ASTN2: variants seen among roughly 807,000 people sequenced by gnomAD.
ASTN2 encodes the protein astrotactin-2.
ASTN2 carries 54 observed loss-of-function variants against 139.8 expected under a neutral mutation model. The observed-to-expected ratio is 0.39, with a 90% CI of 0.31 to 0.48. The LOEUF is 0.48. Ranked by LOEUF, ASTN2 falls within the 20% of genes least tolerant of loss-of-function variation. The probability of loss-of-function intolerance (pLI) is 0.95; values close to 1 mark genes in which losing one functional copy is unlikely to be tolerated. For missense variants in ASTN2, 1,565 were observed against 1,725.1 expected, an observed-to-expected ratio of 0.91 and a Z score of 1.64; for synonymous variants, 756 against 719.5, an observed-to-expected ratio of 1.05 and a Z score of -0.81.
chr9:116,517,740 T>A (rs1452292817), intron 19 of ASTN2, among the ~76,000 whole-genome samples: 1 of 152,054 alleles, frequency 6.6e-6, no homozygotes, highest in Non-Finnish European at 1.5e-5. Context: ...AAGTCCAACT[T>A]GAAGAAATAA....
chr9:116,919,940 CAA>C (rs35192686), intron 10 of ASTN2, among the ~76,000 whole-genome samples: 275 of 128,782 alleles, frequency 2.1e-3, no homozygotes, highest in Admixed American at 2.1e-3. Flanking sequence ...GAATCTGTCT[CAA>C]AAAAAAAAAA....
At chr9:116,553,521 A>G (rs915128283) in intron 19 of ASTN2, among the ~76,000 whole-genome samples, 1 of 152,230 alleles carries the variant, frequency 6.6e-6, no homozygotes, top group Non-Finnish European at 1.5e-5. Context: ...TGGAACAGAA[A>G]ACAAATGTGA....
intron 2 of ASTN2, among the ~76,000 whole-genome samples, chr9:117,235,997 G>C (rs1833033335): frequency 6.6e-6 from 1 of 152,188 alleles, no homozygotes; most frequent in African/African-American, 2.4e-5. Context: ...CTTGAGCTCA[G>C]AGGCCTGGAG....
At chr9:117,263,246 G>T (rs1564114183) in intron 2 of ASTN2, among the ~76,000 whole-genome samples, 1 of 152,066 alleles carries the variant, frequency 6.6e-6, no homozygotes, top group Non-Finnish European at 1.5e-5. Context: ...GACCGGGAGA[G>T]ATTTTGCCCA....
chr9:117,048,986 G>A (rs950665367), intron 5 of ASTN2, among the ~76,000 whole-genome samples: 47 of 23,052 alleles, frequency 2.0e-3, no homozygotes, highest in East Asian at 4.1e-3. Flanking sequence ...TTTTTGAGAC[G>A]GAGTCTTGCT....
intron 2 of ASTN2, among the ~76,000 whole-genome samples, chr9:117,276,006 G>A (rs1834179800): frequency 6.6e-6 from 1 of 152,086 alleles, no homozygotes; most frequent in Non-Finnish European, 1.5e-5. Context: ...CATAATATCT[G>A]CCATTCTGAC....
intron 17 of ASTN2, among the ~76,000 whole-genome samples, chr9:116,632,121 G>T (rs1356788491): frequency 1.3e-5 from 1 of 79,086 alleles, no homozygotes; most frequent in South Asian, 6.0e-4. Flanking sequence ...AAAAGAAAAA[G>T]AAAAAGAAGA....
chr9:117,283,894 G>C (rs372768060), intron 2 of ASTN2, among the ~76,000 whole-genome samples: 6 of 151,788 alleles, frequency 4.0e-5, no homozygotes, highest in African/African-American at 1.5e-4. Flanking sequence ...TGAAAGTAAT[G>C]GTATTTCTCA....
chr9:117,328,705 A>T (rs905996719), intron 1 of ASTN2, among the ~76,000 whole-genome samples: 1 of 152,206 alleles, frequency 6.6e-6, no homozygotes, highest in African/African-American at 2.4e-5. Context: ...AGGGTCACTC[A>T]GCCAGGCTAA....
chr9:116,445,652 C>T (rs541506764), intron 20 of ASTN2, among the ~76,000 whole-genome samples: 5 of 152,294 alleles, frequency 3.3e-5, no homozygotes, highest in Non-Finnish European at 5.9e-5. Flanking sequence ...AGAATCCTTG[C>T]TTTCTCCAAT....
intron 1 of ASTN2, among the ~76,000 whole-genome samples, chr9:117,303,810 T>C (rs946036699): frequency 9.2e-5 from 14 of 152,196 alleles, no homozygotes; most frequent in Non-Finnish European, 1.8e-4. Flanking sequence ...CTGTTTTTCC[T>C]CCCCTTGAAT....
At chr9:116,563,246 G>A (rs1428335657) in intron 19 of ASTN2, among the ~76,000 whole-genome samples, 2 of 151,740 alleles carry the variant, frequency 1.3e-5, no homozygotes, top group African/African-American at 4.8e-5. Flanking sequence ...GCGGGGGTGG[G>A]TGCCTATAGT....
At chr9:116,668,062 C>T (rs1484324080) in intron 16 of ASTN2, among the ~76,000 whole-genome samples, 1 of 152,224 alleles carries the variant, frequency 6.6e-6, no homozygotes, top group East Asian at 1.9e-4. Context: ...CGGTGTGCTC[C>T]ACCTATTCAT....
intron 13 of ASTN2, among the ~76,000 whole-genome samples, chr9:116,770,743 CAT>C (rs1212302458): frequency 1.3e-5 from 2 of 152,114 alleles, no homozygotes; most frequent in Non-Finnish European, 2.9e-5. Context: ...CATGTATTTA[CAT>C]ATGTTTTTTT....
intron 22 of ASTN2, chr9:116,437,318 T>C (rs1021133917): frequency 6.4e-5 from 30 of 471,160 alleles, no homozygotes; most frequent in Admixed American, 6.3e-4. Context: ...AGCACCAGGA[T>C]AGATTAGGAG....
At chr9:116,915,271 C>T (rs1207249801) in intron 10 of ASTN2, among the ~76,000 whole-genome samples, 2 of 152,204 alleles carry the variant, frequency 1.3e-5, no homozygotes, top group African/African-American at 4.8e-5. Context: ...GGACAAACTT[C>T]TTGGGAAGAG....
At chr9:117,066,608 T>C (rs1028624946) in intron 5 of ASTN2, among the ~76,000 whole-genome samples, 101 of 151,228 alleles carry the variant, frequency 6.7e-4, no homozygotes, top group Non-Finnish European at 1.3e-3. Context: ...ACTTCCACAA[T>C]GGTTGAACTA....
At chr9:116,652,439 C>T (rs372632287) in intron 16 of ASTN2, among the ~76,000 whole-genome samples, 47 of 151,710 alleles carry the variant, frequency 3.1e-4, no homozygotes, top group African/African-American at 1.1e-3. Context: ...TATTTTTTAC[C>T]CAACCAAAAA....
At chr9:116,815,813 A>AC (rs1282711617) in intron 12 of ASTN2, among the ~76,000 whole-genome samples, 8 of 146,768 alleles carry the variant, frequency 5.5e-5, no homozygotes, top group African/African-American at 2.0e-4. Flanking sequence ...TCAAAAAAAA[A>AC]AAAAAAAAAA....
Sources: gnomAD v4.1 joint callset for allele counts (sites outside exome capture counted in the v4.1 genomes callset) on GRCh38, gnomAD v4.1.1 for gene constraint, MANE v1.5 for transcripts, NCBI Gene and HGNC (gene_info 2026-07-23, HGNC 2026-07-21) for gene names.